TEAD1: variants seen among roughly 807,000 people sequenced by gnomAD.
The protein encoded by TEAD1 is TEA domain transcription factor 1.
TEAD1 carries 9 observed loss-of-function variants against 54.9 expected under a neutral mutation model. The observed-to-expected ratio is 0.16, with a 90% CI of 0.10 to 0.29. The LOEUF (loss-of-function observed/expected upper bound fraction) is 0.29. TEAD1 is among the 10% of genes least tolerant of loss of function. TEAD1 has a pLI of 1.00. For synonymous variants in TEAD1, 200 were observed against 187.8 expected (o/e 1.07, Z -0.53); for missense variants, 387 against 535.9 (o/e 0.72, Z 2.74).
At chr11:12,747,966 A>ATTTT (rs11387620) in intron 2 of TEAD1, among the ~76,000 whole-genome samples, 4 of 147,142 alleles carry the variant, frequency 2.7e-5, no homozygotes, top group Non-Finnish European at 4.5e-5. Context: ...GATCCCTGCA[A>ATTTT]TTTTTTTTTT....
At chr11:12,753,411 C>G (rs141544139) in intron 2 of TEAD1, among the ~76,000 whole-genome samples, 79 of 152,302 alleles carry the variant, frequency 5.2e-4, no homozygotes, top group African/African-American at 1.8e-3. Context: ...TCCATTTACT[C>G]CATCTCCTTG....
intron 3 of TEAD1, among the ~76,000 whole-genome samples, chr11:12,799,757 G>A (rs560885714): frequency 3.3e-5 from 5 of 152,276 alleles, no homozygotes; most frequent in African/African-American, 9.6e-5. Flanking sequence ...CTGTTACGCT[G>A]CTTGTAAATT....
rs568534352 is a variant in TEAD1 at position 12,854,026 on chromosome 11, C to A, written c.203-8224C>A. Among the ~76,000 whole-genome samples, 5 of 152,260 alleles carry A rather than the reference C, an allele frequency of 3.3e-5. No homozygotes were observed. In the South Asian group the frequency reaches 6.2e-4, roughly 19 times the overall value. Reference sequence around the variant, plus strand: ...TGTTTACCTCCTGAAGGCCGTCAGTCCTTTGGTGAACTTCTAGTTTGGGAA... The same window carrying A: ...TGTTTACCTCCTGAAGGCCGTCAGTACTTTGGTGAACTTCTAGTTTGGGAA... On this transcript the variant is annotated intron_variant, in intron 3 of 12. Transcript: ENST00000527636.
At chr11:12,856,130 C>CAT (rs535077051) in intron 3 of TEAD1, among the ~76,000 whole-genome samples, 1 of 140,904 alleles carries the variant, frequency 7.1e-6, no homozygotes. Flanking sequence ...TATCTTCTTC[C>CAT]TTTTTTTTTT....
intron 3 of TEAD1, among the ~76,000 whole-genome samples, chr11:12,800,120 A>G (rs548184977): frequency 5.3e-5 from 8 of 152,232 alleles, no homozygotes; most frequent in Admixed American, 1.3e-4. Context: ...TGGGTGAGAG[A>G]AGGCTTTGAG....
chr11:12,733,147 C>T (rs1461303828), intron 2 of TEAD1, among the ~76,000 whole-genome samples: 1 of 152,174 alleles, frequency 6.6e-6, no homozygotes, highest in Non-Finnish European at 1.5e-5. Flanking sequence ...GTAATACTAC[C>T]CACTTACCTT....
intron 2 of TEAD1, among the ~76,000 whole-genome samples, chr11:12,761,674 A>G (rs2133922249): frequency 6.6e-6 from 1 of 152,290 alleles, no homozygotes; most frequent in Non-Finnish European, 1.5e-5. Flanking sequence ...CTAGTCTGGA[A>G]GACAATTAGG....
chr11:12,715,345 G>T (rs1944034529), intron 2 of TEAD1, among the ~76,000 whole-genome samples: 1 of 152,176 alleles, frequency 6.6e-6, no homozygotes, highest in Non-Finnish European at 1.5e-5. Flanking sequence ...TTCTAGTTGA[G>T]CAGGACTCCT....
chr11:12,921,024 A>G (rs78450528), intron 10 of TEAD1, among the ~76,000 whole-genome samples: 3 of 152,312 alleles, frequency 2.0e-5, no homozygotes, highest in Non-Finnish European at 2.9e-5. Context: ...GTTTAACGCA[A>G]GGTTTTAGAA....
At chr11:12,675,332 C>T (rs1015521723) in intron 1 of TEAD1, 77 bp from the exon 2 acceptor site, 11 of 152,368 alleles carry the variant, frequency 7.2e-5, no homozygotes, top group Admixed American at 5.9e-4. Context: ...TCTGCGCAGA[C>T]TTGTGCCGCT....
intron 9 of TEAD1, among the ~76,000 whole-genome samples, 155 bp downstream of exon 9, chr11:12,883,280 A>G (rs1948007112): frequency 6.6e-6 from 1 of 152,206 alleles, no homozygotes; most frequent in Non-Finnish European, 1.5e-5. Context: ...CTTTTGATTA[A>G]GTAAAAAGGG....
chr11:12,903,981 G>A (rs578185988), intron 10 of TEAD1, among the ~76,000 whole-genome samples: 1 of 152,162 alleles, frequency 6.6e-6, no homozygotes, highest in South Asian at 2.1e-4. Flanking sequence ...CAGTTATATG[G>A]TAACAGGGTA....
In TEAD1 at chr11:12,859,834, TATC is replaced by T. The variant is rs373554547; in HGVS notation, c.203-2414_203-2412del. On this transcript the variant is annotated intron_variant, in intron 3 of 12. Transcript: ENST00000527636. ...AAGACTGGAAACAGGGGTAGGGACATATCAGAAGACGAGCCCGTATGAAAAAGA... is the reference window on the plus strand; with the variant it reads ...AAGACTGGAAACAGGGGTAGGGACATAGAAGACGAGCCCGTATGAAAAAGA... Among the ~76,000 whole-genome samples the T allele has an allele frequency of 4.5e-4, 69 of 152,266 alleles. 2 individuals carry two copies. In the South Asian group the frequency reaches 0.013, roughly 28 times the overall value.
At chr11:12,871,686 C>T (rs1411482564) in intron 5 of TEAD1, among the ~76,000 whole-genome samples, 2 of 152,262 alleles carry the variant, frequency 1.3e-5, no homozygotes, top group Admixed American at 1.3e-4. Flanking sequence ...GAAGCACCAC[C>T]ACACTGTGGG....
chr11:12,726,111 T>C (rs1944305562), intron 2 of TEAD1, among the ~76,000 whole-genome samples: 1 of 152,162 alleles, frequency 6.6e-6, no homozygotes, highest in Non-Finnish European at 1.5e-5. Flanking sequence ...ATGACACGGC[T>C]GAGCAGGAAT....
chr11:12,684,995 A>C (rs1489869707), intron 2 of TEAD1, among the ~76,000 whole-genome samples: 2 of 152,144 alleles, frequency 1.3e-5, no homozygotes, highest in Admixed American at 1.3e-4. Flanking sequence ...TGTGTTTTCG[A>C]AGTCAGCTGG....
intron 10 of TEAD1, among the ~76,000 whole-genome samples, chr11:12,923,675 A>G (rs1336323859): frequency 6.6e-6 from 1 of 152,116 alleles, no homozygotes; most frequent in African/African-American, 2.4e-5. Flanking sequence ...TTCATTTCTC[A>G]CATTTCTAGA....
chr11:12,711,169 A>G (rs1943928586), intron 2 of TEAD1, among the ~76,000 whole-genome samples: 1 of 152,106 alleles, frequency 6.6e-6, no homozygotes, highest in African/African-American at 2.4e-5. Flanking sequence ...GAGAAAGACG[A>G]GAGTCAGGGT....
Position 12,747,873 on chromosome 11 carries a change from A to G in TEAD1, c.-54-16306A>G, listed in dbSNP as rs146128534. On this transcript the variant is annotated intron_variant, in intron 2 of 12. Coordinates refer to ENST00000527636, the MANE Select transcript of TEAD1 (RefSeq NM_021961.6). ...TAGTAAGTGGAGGAATCAAAATTCA[A>G]ACTCTTTGGGATTCTAAAACTCAGT... Among the ~76,000 whole-genome samples, 301 of 152,320 alleles carry G rather than the reference A, an allele frequency of 2.0e-3. 1 individual carries two copies. The highest frequency in any genetic ancestry group is 6.8e-3 in the African/African-American group (281 of 41,562).
Sources: gnomAD v4.1 joint callset for allele counts (sites outside exome capture counted in the v4.1 genomes callset) on GRCh38, gnomAD v4.1.1 for gene constraint, MANE v1.5 for transcripts, NCBI Gene and HGNC (gene_info 2026-07-23, HGNC 2026-07-21) for gene names.